UMAD1: variants seen among roughly 807,000 people sequenced by gnomAD.
UMAD1 encodes the protein UBAP1-MVB12-associated (UMA) domain containing 1.
UMAD1 carries 8 observed loss-of-function variants against 6.1 expected under a neutral mutation model. The ratio of observed to expected loss-of-function variants is 1.30; its 90% CI spans 0.76 to 2.35. The LOEUF is 2.35. Among genes scored for constraint, UMAD1 ranks in the 30% most tolerant of loss-of-function variants. The pLI is 0.00. For synonymous variants in UMAD1, 56 were observed against 31.4 expected (o/e 1.78, Z -2.61); for missense variants, 130 against 78.4 (o/e 1.66, Z -2.49).
intron 2 of UMAD1, among the ~76,000 whole-genome samples, chr7:7,726,115 T>C (rs1019043241): frequency 1.3e-5 from 2 of 152,142 alleles, no homozygotes; most frequent in African/African-American, 4.8e-5. Flanking sequence ...AGAAGCATGA[T>C]TGGAAAATTG....
At chr7:7,819,850 C>T (rs536948744) in intron 3 of UMAD1, among the ~76,000 whole-genome samples, 1 of 152,228 alleles carries the variant, frequency 6.6e-6, no homozygotes, top group Non-Finnish European at 1.5e-5. Flanking sequence ...ATTTATTTCA[C>T]CAAATATTTC....
chr7:7,658,701 G>A (rs140999320), intron 1 of UMAD1, among the ~76,000 whole-genome samples: 2,611 of 152,278 alleles, frequency 0.017, 74 homozygotes, highest in African/African-American at 0.06. Context: ...TGTGCTGTTG[G>A]ATTCAGTTTG....
chr7:7,708,108 CCTT>C (rs1395030349), intron 2 of UMAD1, among the ~76,000 whole-genome samples: 7 of 152,258 alleles, frequency 4.6e-5, no homozygotes, highest in Admixed American at 4.6e-4. Context: ...TTCATTAAGA[CCTT>C]ATTCAAATTT....
intron 3 of UMAD1, among the ~76,000 whole-genome samples, chr7:7,833,415 G>A (rs1241413743): frequency 6.6e-6 from 1 of 152,076 alleles, no homozygotes; most frequent in South Asian, 2.1e-4. Flanking sequence ...CACCGAGGGG[G>A]ATTCAGAGAT....
chr7:7,661,711 A>T (rs1233636583), intron 1 of UMAD1, among the ~76,000 whole-genome samples: 1 of 152,182 alleles, frequency 6.6e-6, no homozygotes, highest in African/African-American at 2.4e-5. Context: ...ACCAGATGCC[A>T]GCCAGAGCTC....
chr7:7,800,422 A>G (rs1782775781), intron 2 of UMAD1, among the ~76,000 whole-genome samples: 1 of 152,194 alleles, frequency 6.6e-6, no homozygotes, highest in Non-Finnish European at 1.5e-5. Flanking sequence ...GCTTATAAAT[A>G]TTTTTTATTA....
intron 3 of UMAD1, among the ~76,000 whole-genome samples, chr7:7,815,493 A>T (rs1783108272): frequency 6.6e-6 from 1 of 152,174 alleles, no homozygotes; most frequent in Admixed American, 6.5e-5. Context: ...AATTTTTCTC[A>T]TGTGACAAGA....
chr7:7,688,815 A>T (rs1415931539), intron 2 of UMAD1, among the ~76,000 whole-genome samples: 2 of 152,180 alleles, frequency 1.3e-5, no homozygotes, highest in Admixed American at 1.3e-4. Flanking sequence ...GCTGATCCTC[A>T]GTCTGTATAT....
chr7:7,767,126 C>CTTT (rs755296058), intron 2 of UMAD1, among the ~76,000 whole-genome samples: 1 of 107,726 alleles, frequency 9.3e-6, no homozygotes, highest in African/African-American at 3.7e-5. Context: ...AGAAATTAAG[C>CTTT]TCTTTTTTTT....
intron 2 of UMAD1, among the ~76,000 whole-genome samples, chr7:7,799,860 A>G (rs1185184980): frequency 6.6e-6 from 1 of 152,206 alleles, no homozygotes; most frequent in Non-Finnish European, 1.5e-5. Context: ...TATAATTTTT[A>G]TTATGTATCA....
chr7:7,835,442 A>C (rs1583861075), intron 3 of UMAD1, among the ~76,000 whole-genome samples: 1 of 44,302 alleles, frequency 2.3e-5, no homozygotes, highest in South Asian at 5.8e-4. Flanking sequence ...TCATTCATTC[A>C]TTCACTCATT....
At chr7:7,842,769 C>T (rs923781357) in intron 3 of UMAD1, among the ~76,000 whole-genome samples, 2 of 152,098 alleles carry the variant, frequency 1.3e-5, no homozygotes, top group Non-Finnish European at 2.9e-5. Context: ...TTAGCCTATC[C>T]TGAGAAAATT....
chr7:7,860,334 A>G (rs17495987), intron 3 of UMAD1, among the ~76,000 whole-genome samples: 25,721 of 152,102 alleles, frequency 0.17, 3,112 homozygotes, highest in Non-Finnish European at 0.24. Context: ...AGCAGGAACC[A>G]TGGTTTGTGT....
At chr7:7,845,918 G>A (rs1159720159) in intron 3 of UMAD1, among the ~76,000 whole-genome samples, 1 of 152,068 alleles carries the variant, frequency 6.6e-6, no homozygotes, top group East Asian at 1.9e-4. Flanking sequence ...TCCAGGCTAT[G>A]TATTTCCTTG....
At chr7:7,794,586 G>A (rs192853371) in intron 2 of UMAD1, among the ~76,000 whole-genome samples, 307 of 152,274 alleles carry the variant, frequency 2.0e-3, no homozygotes, top group African/African-American at 7.1e-3. Flanking sequence ...TAGCATTAAT[G>A]TTAAAAGAGA....
At chr7:7,847,104 A>ATAT (rs1273225137) in intron 3 of UMAD1, among the ~76,000 whole-genome samples, 2 of 6,620 alleles carry the variant, frequency 3.0e-4, no homozygotes, top group African/African-American at 8.1e-4. Context: ...AAAAAAAAAA[A>ATAT]ATATATATAT....
At chr7:7,778,281 A>T (rs1029575518) in intron 2 of UMAD1, among the ~76,000 whole-genome samples, 72 of 148,526 alleles carry the variant, frequency 4.8e-4, no homozygotes, top group Non-Finnish European at 9.3e-4. Flanking sequence ...TGTGTGAGAG[A>T]GAGAGAGAGA....
At chr7:7,641,383 C>A (rs1043043494) in intron 1 of UMAD1, 2 of 152,186 alleles carry the variant, frequency 1.3e-5, no homozygotes, top group African/African-American at 2.4e-5. Context: ...GCTAGGGTTC[C>A]CCGAGCTAGG....
At chr7:7,752,316 C>A (rs1391468823) in intron 2 of UMAD1, among the ~76,000 whole-genome samples, 1 of 152,060 alleles carries the variant, frequency 6.6e-6, no homozygotes, top group African/African-American at 2.4e-5. Context: ...AAGAGTGAAT[C>A]ATATGAATAC....
Sources: gnomAD v4.1 joint callset for allele counts (sites outside exome capture counted in the v4.1 genomes callset) on GRCh38, gnomAD v4.1.1 for gene constraint, MANE v1.5 for transcripts, NCBI Gene and HGNC (gene_info 2026-07-23, HGNC 2026-07-21) for gene names.